The following MRRF variants were observed in gnomAD, a reference collection of about 807,000 sequenced individuals.
MRRF encodes mitochondrial ribosome recycling factor, also known as ribosome-recycling factor, mitochondrial.
A neutral mutation model predicts 25.1 loss-of-function variants in MRRF; 18 were observed. The ratio of observed to expected loss-of-function variants is 0.72; its 90% CI spans 0.50 to 1.06. MRRF has a LOEUF of 1.06. Among genes scored for constraint, MRRF ranks in the 50% least tolerant of loss-of-function variants. The pLI is 0.00. For synonymous variants in MRRF, 113 were observed against 112.1 expected (o/e 1.01, Z -0.05); for missense variants, 323 against 319.3 (o/e 1.01, Z -0.09).
chr9:122,286,299 A>G (rs1833403589), intron 4 of MRRF: 1 of 907,154 alleles, frequency 1.1e-6, no homozygotes, highest in Non-Finnish European at 1.5e-6. Context: ...CTGTGAACAC[A>G]CTGTTTCAAA....
At chr9:122,267,380 CA>C (rs892711250) in intron 1 of MRRF, among the ~76,000 whole-genome samples, 3,700 of 71,368 alleles carry the variant, frequency 0.052, 97 homozygotes, top group African/African-American at 0.12. Context: ...GACTCTGTCT[CA>C]AAAAAAAAAA....
At chr9:122,303,059 G>A (rs2118892253) in intron 5 of MRRF, among the ~76,000 whole-genome samples, 1 of 152,130 alleles carries the variant, frequency 6.6e-6, no homozygotes. Context: ...TTGTTCTTGT[G>A]TTACATGATT....
Position 122,313,361 on chromosome 9 carries a change from A to G in MRRF, c.686A>G (p.Asp229Gly). 1.9e-6 allele frequency: 3 copies of G among 1,614,112 alleles called. No homozygotes were observed. In the East Asian group the frequency reaches 6.7e-5, roughly 36 times the overall value. The change falls in exon 6 of 7, where the codon GAC becomes GGC. Residue 229 changes from aspartate (D) to glycine (G), a missense_variant. Transcript: ENST00000344641. ...AAATCCAAGGATACAGTCTCAGAGG[A>G]CACCATTAGGCTAATAGAGAAACAG... is the stretch of plus-strand genomic sequence containing the variant. Reference protein sequence around the residue: ...LKKSKDTVSEDTIRLIEKQIS... With the variant: ...LKKSKDTVSEGTIRLIEKQIS...
intron 1 of MRRF, among the ~76,000 whole-genome samples, chr9:122,266,184 TTAGTCCTTG>T (rs1832071584): frequency 6.6e-6 from 1 of 152,262 alleles, no homozygotes; most frequent in Admixed American, 6.5e-5. Flanking sequence ...AAATCATAGA[TTAGTCCTTG>T]TAGTACTTAG....
At chr9:122,290,602 T>C (rs1222740030) in intron 4 of MRRF, among the ~76,000 whole-genome samples, 1 of 152,230 alleles carries the variant, frequency 6.6e-6, no homozygotes, top group African/African-American at 2.4e-5. Context: ...TCAACCGCCA[T>C]TCATTTAAAT....
At chr9:122,302,759 A>G (rs1834555716) in intron 5 of MRRF, among the ~76,000 whole-genome samples, 1 of 152,206 alleles carries the variant, frequency 6.6e-6, no homozygotes, top group South Asian at 2.1e-4. Context: ...GCTGGGTCAT[A>G]TGGTAACTCC....
chr9:122,272,934 G>C (rs1286841615), intron 2 of MRRF, among the ~76,000 whole-genome samples: 1 of 152,102 alleles, frequency 6.6e-6, no homozygotes, highest in African/African-American at 2.4e-5. Flanking sequence ...CCGCCCCATT[G>C]TGTGAGTTTC....
At chr9:122,307,652 C>T (rs990844933) in intron 5 of MRRF, among the ~76,000 whole-genome samples, 1 of 152,194 alleles carries the variant, frequency 6.6e-6, no homozygotes, top group Admixed American at 6.5e-5. Flanking sequence ...CCCTTCCACC[C>T]TCTTTGTAAT....
At chr9:122,295,505 G>A (rs1183719378) in intron 5 of MRRF, among the ~76,000 whole-genome samples, 1 of 151,614 alleles carries the variant, frequency 6.6e-6, no homozygotes, top group Non-Finnish European at 1.5e-5. Flanking sequence ...GAGTGCAGTG[G>A]TGCGATCCCA....
intron 6 of MRRF, among the ~76,000 whole-genome samples, chr9:122,314,347 A>G (rs1259225392): frequency 6.6e-6 from 1 of 152,222 alleles, no homozygotes; most frequent in East Asian, 1.9e-4. Flanking sequence ...TCATAAGCCC[A>G]ACCACTCAAG....
intron 4 of MRRF, among the ~76,000 whole-genome samples, chr9:122,291,353 T>C (rs1323187220): frequency 8.5e-5 from 13 of 152,222 alleles, no homozygotes; most frequent in Admixed American, 7.2e-4. Flanking sequence ...ATATTTTGAG[T>C]GTAAAATGTC....
At chr9:122,286,347 G>A (rs1453873419) in intron 4 of MRRF, among the ~76,000 whole-genome samples, 1 of 152,202 alleles carries the variant, frequency 6.6e-6, no homozygotes. Flanking sequence ...AGGCACACCT[G>A]TGGGTGTGCT....
chr9:122,276,871 T>A (rs913875007), intron 2 of MRRF, among the ~76,000 whole-genome samples: 2 of 152,308 alleles, frequency 1.3e-5, no homozygotes, highest in East Asian at 3.9e-4. Flanking sequence ...CAGTTTCTCC[T>A]TTTTTGTTGT....
rs1453496177 is a variant in MRRF at position 122,324,584 on chromosome 9, A to G, written c.*1967A>G. On this transcript the variant is annotated 3_prime_UTR_variant, in exon 7 of 7. Transcript: ENST00000344641. ...AGTGCACTGAACTAAATTGCTGTCT[A>G]TAATAATCTATTGGGTGGAAAAGTA... The G allele has an allele frequency of 6.6e-6, 1 of 152,252 alleles. No individual in the cohort carries two copies. Among genetic ancestry groups the G allele is most frequent in the Non-Finnish European group, 1.5e-5 (1 of 68,042 alleles). The allele number at this position is 152,252 out of a possible 1,614,324, so 9.4% of individuals were successfully genotyped here.
chr9:122,285,103 A>G (rs1165008736), intron 3 of MRRF, 66 bp from the exon 4 acceptor site: 2 of 990,426 alleles, frequency 2.0e-6, no homozygotes, highest in African/African-American at 3.2e-5. Context: ...TCTGAATTAG[A>G]TAGGACTTAG....
At chr9:122,294,717 G>A (rs1554821295) in intron 5 of MRRF, among the ~76,000 whole-genome samples, 1 of 152,188 alleles carries the variant, frequency 6.6e-6, no homozygotes. Flanking sequence ...ATATGACTCT[G>A]GGCACAGCGC....
chr9:122,307,228 G>T lies in MRRF; in HGVS notation c.552-5999G>T, dbSNP rs112984448. Among the ~76,000 whole-genome samples, 177 of 152,318 alleles carry T rather than the reference G, an allele frequency of 1.2e-3. 1 individual carries two copies. The highest frequency in any genetic ancestry group is 3.4e-3 in the African/African-American group (140 of 41,572). ...TGATTTCAGGCCCATGCTCCTGTAG[G>T]GGGGAGTCCCGGAAGCCCAGGGAGG... is the stretch of plus-strand genomic sequence containing the variant. On this transcript the variant is annotated intron_variant, in intron 5 of 6. Transcript: ENST00000344641.
chr9:122,271,117 A>G (rs750491802), intron 2 of MRRF, 42 bp downstream of exon 2: 6 of 1,554,196 alleles, frequency 3.9e-6, no homozygotes, highest in Admixed American at 1.7e-5. Context: ...CCCCTTTCTT[A>G]TAGTTGGCCC....
At chr9:122,318,489 G>T (rs988621499) in intron 6 of MRRF, among the ~76,000 whole-genome samples, 4 of 152,204 alleles carry the variant, frequency 2.6e-5, no homozygotes, top group South Asian at 2.1e-4. Context: ...GGAGGGAAAG[G>T]CTCCTGGCAG....
Sources: gnomAD v4.1 joint callset for allele counts (sites outside exome capture counted in the v4.1 genomes callset) on GRCh38, gnomAD v4.1.1 for gene constraint, MANE v1.5 for transcripts, NCBI Gene and HGNC (gene_info 2026-07-23, HGNC 2026-07-21) for gene names.